HDAC1: variants seen among roughly 807,000 people sequenced by gnomAD.
HDAC1 encodes the protein protein deacetylase HDAC1.
A neutral mutation model predicts 65.5 loss-of-function variants in HDAC1; 18 were observed. The observed-to-expected ratio is 0.27, with a 90% CI of 0.19 to 0.41. HDAC1 has a LOEUF of 0.41. HDAC1 is among the 10% of genes least tolerant of loss of function. The pLI, the probability that HDAC1 is intolerant of heterozygous loss-of-function variation, is 1.00. For missense variants in HDAC1, 373 were observed against 625.2 expected, an observed-to-expected ratio of 0.60 and a Z score of 4.30; for synonymous variants, 211 against 227.9, an observed-to-expected ratio of 0.93 and a Z score of 0.67.
In HDAC1 at chr1:32,324,212, C is replaced by G. The variant is rs552264399; in HGVS notation, c.281-267C>G. Among the ~76,000 whole-genome samples, 22 of 152,148 alleles carry G rather than the reference C, an allele frequency of 1.4e-4. No individual in the cohort carries two copies. In the South Asian group the frequency reaches 3.9e-3, roughly 27 times the overall value. On this transcript the variant is annotated intron_variant, in intron 3 of 13. Coordinates refer to ENST00000373548, the MANE Select transcript of HDAC1 (RefSeq NM_004964.3). ...TTGCTTGAGCCCAGGAGGTGAGGGT[C>G]AAAGCTGCTGCACATGAGCCATGTT...
Position 32,316,670 on chromosome 1 carries a change from T to G in HDAC1, c.168T>G (p.Pro56=), listed in dbSNP as rs141080688. ...TTCTCCCTTCTGCCCTCTAGCGCCC[T>G]CACAAAGCCAATGCTGAGGAGATGA... ...GLYRKMEIYR[P]HKANAEEMTK... The change falls in exon 3 of 14, where the codon CCT becomes CCG. Residue 56 remains proline (P), a synonymous_variant. Coordinates refer to ENST00000373548, the MANE Select transcript of HDAC1 (RefSeq NM_004964.3). 6.2e-7 allele frequency: 1 copy of G among 1,609,958 alleles called. No homozygotes were observed. The highest frequency in any genetic ancestry group is 8.5e-7 in the Non-Finnish European group (1 of 1,176,450).
chr1:32,323,193 C>T (rs1218075902), intron 3 of HDAC1, among the ~76,000 whole-genome samples: 6 of 151,826 alleles, frequency 4.0e-5, no homozygotes, highest in Non-Finnish European at 5.9e-5. Flanking sequence ...CCCAGCTACT[C>T]GGGAGGCTGA....
intron 2 of HDAC1, among the ~76,000 whole-genome samples, chr1:32,314,670 C>CA (rs1259182240): frequency 6.6e-6 from 1 of 151,656 alleles, no homozygotes; most frequent in African/African-American, 2.4e-5. Flanking sequence ...ACTAAATGTA[C>CA]AAAAAATTAG....
At position 32,316,793 on chromosome 1, in the gene HDAC1, T is replaced by C. The variant is rs1263000224; in HGVS notation, c.280+11T>C. The C allele has an allele frequency of 6.5e-7, 1 of 1,536,530 alleles. No homozygotes were observed. The highest frequency in any genetic ancestry group is 1.1e-5 in the South Asian group (1 of 89,486). On this transcript the variant is annotated intron_variant, in intron 3 of 13. Transcript: ENST00000373548. The stretch of plus-strand genomic sequence containing the variant: ...AGCAGATGCAGAGATGTAAGTCCAT[T>C]CTGTTCCCTCACACTCTGAAGCCGC...
chr1:32,301,546 G>C (rs916256681), intron 1 of HDAC1, among the ~76,000 whole-genome samples: 3 of 152,170 alleles, frequency 2.0e-5, no homozygotes. Context: ...GAGGTGAGTG[G>C]ATCAACTGAG....
intron 2 of HDAC1, among the ~76,000 whole-genome samples, chr1:32,307,481 C>T (rs1243555221): frequency 6.6e-6 from 1 of 152,018 alleles, no homozygotes; most frequent in Non-Finnish European, 1.5e-5. Flanking sequence ...CCTTGATAAT[C>T]GATCTGATTA....
chr1:32,328,990 T>A, intron 6 of HDAC1, 78 bp from the exon 7 acceptor site: 1 of 886,696 alleles, frequency 1.1e-6, no homozygotes, highest in Non-Finnish European at 1.9e-6. Context: ...AACCTCTTCC[T>A]TTATCCCTCC....
chr1:32,295,963 AGGGTGGAATT>A (rs1640762300), intron 1 of HDAC1, among the ~76,000 whole-genome samples: 13 of 152,162 alleles, frequency 8.5e-5, no homozygotes, highest in Admixed American at 8.5e-4. Context: ...ATAGAATTCC[AGGGTGGAATT>A]CTAAGGAAGT....
intron 3 of HDAC1, among the ~76,000 whole-genome samples, chr1:32,319,246 A>C (rs902340044): frequency 1.3e-5 from 2 of 152,064 alleles, no homozygotes; most frequent in Non-Finnish European, 2.9e-5. Flanking sequence ...CTCTAAAAAA[A>C]ATTTTTCTAA....
intron 3 of HDAC1, among the ~76,000 whole-genome samples, chr1:32,320,830 G>A (rs1641129255): frequency 7.0e-6 from 1 of 143,828 alleles, no homozygotes; most frequent in Admixed American, 7.2e-5. Flanking sequence ...AACCTGGAGG[G>A]CAGAGGTTGC....
chr1:32,321,841 G>A (rs1323475844), intron 3 of HDAC1, among the ~76,000 whole-genome samples: 1 of 152,140 alleles, frequency 6.6e-6, no homozygotes, highest in African/African-American at 2.4e-5. Flanking sequence ...ACTCTGTGCA[G>A]GAGGAAGTGG....
chr1:32,313,188 G>A (rs1163981746), intron 2 of HDAC1, among the ~76,000 whole-genome samples: 4 of 151,394 alleles, frequency 2.6e-5, no homozygotes, highest in African/African-American at 7.3e-5. Flanking sequence ...CTCTGCCTCC[G>A]AGTTCAAGCA....
intron 4 of HDAC1, among the ~76,000 whole-genome samples, 198 bp downstream of exon 4, chr1:32,324,751 T>A (rs1338488547): frequency 6.6e-6 from 1 of 152,114 alleles, no homozygotes; most frequent in Non-Finnish European, 1.5e-5. Context: ...GGAGGATTGC[T>A]TGAGGTCAGG....
In HDAC1 at chr1:32,332,355, T is replaced by G. The variant is rs568222432; in HGVS notation, c.1372+113T>G. The G allele has an allele frequency of 1.2e-5, 12 of 1,011,388 alleles. No homozygotes were observed. The South Asian group carries it at 1.3e-4, about 11-fold the overall frequency. The allele number at this position is 1,011,388 out of a possible 1,614,324, so 62.7% of individuals were successfully genotyped here. The stretch of plus-strand genomic sequence containing the variant: ...CTGCCAGCTCCTGTGGGGCTCTTCC[T>G]CAGTTCCTTGAGCCTTTCAGTGGCT... On this transcript the variant is annotated intron_variant, in intron 12 of 13. Transcript: ENST00000373548.
At chr1:32,323,838 G>A (rs72668522) in intron 3 of HDAC1, among the ~76,000 whole-genome samples, 1,572 of 152,312 alleles carry the variant, frequency 0.01, 10 homozygotes, top group South Asian at 0.021. Context: ...CTGGGTCTCT[G>A]TTCTTGCCCC....
At chr1:32,316,159 C>T (rs1415555559) in intron 2 of HDAC1, among the ~76,000 whole-genome samples, 1 of 151,988 alleles carries the variant, frequency 6.6e-6, no homozygotes, top group Non-Finnish European at 1.5e-5. Context: ...TGGTGGGCGT[C>T]TGTAGTCCCA....
intron 2 of HDAC1, among the ~76,000 whole-genome samples, chr1:32,308,741 A>G (rs1176811320): frequency 2.0e-5 from 3 of 151,636 alleles, no homozygotes; most frequent in Non-Finnish European, 4.4e-5. Context: ...GATGGTCTCG[A>G]TCTCCTGACC....
In HDAC1 at chr1:32,331,913, ATC is replaced by A. The variant is rs1314603288; in HGVS notation, c.1219+109_1219+110del. The stretch of plus-strand genomic sequence containing the variant: ...CTCCAAGCTCCCCACCTGTAGAGAA[ATC>A]TGTTTTCGAGTTCCAGTGCCTGTAG... On this transcript the variant is annotated intron_variant, in intron 11 of 13. Coordinates refer to ENST00000373548, the MANE Select transcript of HDAC1 (RefSeq NM_004964.3). The surrounding 1 kb of genome is among the most constrained non-coding windows in gnomAD (Gnocchi z 4.2). The A allele has an allele frequency of 8.3e-5, 122 of 1,469,510 alleles. 1 individual carries two copies. The highest frequency in any genetic ancestry group is 1.1e-4 in the Non-Finnish European group (121 of 1,091,064). 91.0% of individuals were successfully genotyped at this position (1,469,510 alleles called of 1,614,324 possible).
Position 32,329,201 on chromosome 1 carries a change from T to C in HDAC1, c.729+41T>C, listed in dbSNP as rs538773734. 15 of 1,261,392 alleles carry C rather than the reference T, an allele frequency of 1.2e-5. No homozygotes were observed. Among genetic ancestry groups the C allele is most frequent in the Middle Eastern group, 3.7e-4 (2 of 5,358 alleles). The allele number at this position is 1,261,392 out of a possible 1,614,324, so 78.1% of individuals were successfully genotyped here. On this transcript the variant is annotated intron_variant, in intron 7 of 13. Transcript: ENST00000373548. The surrounding 1 kb of genome is among the most constrained non-coding windows in gnomAD (Gnocchi z 4.1). ...CACCCCTTGGGCTACAAACAGGGGA[T>C]TGGTTGGCGGTGGAGGGGAGCAAAG...
Sources: gnomAD v4.1 joint callset for allele counts (sites outside exome capture counted in the v4.1 genomes callset) on GRCh38, gnomAD v4.1.1 for gene constraint, Gnocchi (gnomAD v3.1) non-coding constraint, MANE v1.5 for transcripts, NCBI Gene and HGNC (gene_info 2026-07-23, HGNC 2026-07-21) for gene names.